RALYL: variants seen among roughly 807,000 people sequenced by gnomAD.
The protein encoded by RALYL is RNA-binding Raly-like protein.
In RALYL, 29 loss-of-function variants were observed where a neutral mutation model predicts 35.1. The observed-to-expected ratio is 0.83, with a 90% CI of 0.61 to 1.13. The LOEUF (loss-of-function observed/expected upper bound fraction) is 1.13. Ranked by LOEUF, RALYL falls within the 50% of genes most tolerant of loss-of-function variation. RALYL has a pLI of 0.00. For missense variants in RALYL, 359 were observed against 360.4 expected (o/e 1.00, Z 0.03); for synonymous variants, 120 against 127.6 (o/e 0.94, Z 0.40).
chr8:84,863,761 C>A (rs568012598), intron 6 of RALYL, among the ~76,000 whole-genome samples: 3 of 152,112 alleles, frequency 2.0e-5, no homozygotes, highest in Non-Finnish European at 4.4e-5. Context: ...TTGTACTCAA[C>A]AAACTTTGTG....
chr8:84,832,567 G>A (rs1331846150), intron 4 of RALYL, among the ~76,000 whole-genome samples: 2 of 151,994 alleles, frequency 1.3e-5, no homozygotes, highest in African/African-American at 4.8e-5. Context: ...GTTTGGTTGG[G>A]GAGAGTCAAA....
At chr8:84,736,693 G>C (rs766217851) in intron 2 of RALYL, among the ~76,000 whole-genome samples, 3 of 152,096 alleles carry the variant, frequency 2.0e-5, no homozygotes, top group Non-Finnish European at 4.4e-5. Flanking sequence ...ACATTTGATT[G>C]ATTATTCTGA....
intron 1 of RALYL, among the ~76,000 whole-genome samples, chr8:84,393,285 T>A (rs931917600): frequency 1.3e-5 from 2 of 152,072 alleles, no homozygotes; most frequent in Non-Finnish European, 2.9e-5. Flanking sequence ...CAGAATTCAG[T>A]ACTTCAAGTG....
chr8:84,800,851 C>T (rs527483987), intron 3 of RALYL, among the ~76,000 whole-genome samples: 5 of 152,192 alleles, frequency 3.3e-5, no homozygotes, highest in African/African-American at 4.8e-5. Context: ...TCTATTCATA[C>T]ATTTCAAGCA....
At chr8:84,613,708 G>A (rs939344807) in intron 2 of RALYL, among the ~76,000 whole-genome samples, 1 of 151,268 alleles carries the variant, frequency 6.6e-6, no homozygotes, top group African/African-American at 2.4e-5. Flanking sequence ...GGGAAAAAAA[G>A]CCTTTTGAAA....
At chr8:84,415,216 T>TG (rs975608340) in intron 1 of RALYL, among the ~76,000 whole-genome samples, 4 of 150,934 alleles carry the variant, frequency 2.7e-5, no homozygotes, top group Non-Finnish European at 5.9e-5. Context: ...TTTTTTTTTT[T>TG]TTGTTTTTTT....
chr8:84,593,228 A>G (rs1341341297), intron 2 of RALYL, among the ~76,000 whole-genome samples: 2 of 152,030 alleles, frequency 1.3e-5, no homozygotes, highest in South Asian at 2.1e-4. Flanking sequence ...GGTCTTCCCT[A>G]TATTGTGAGT....
At chr8:84,451,566 T>C (rs1021340575) in intron 1 of RALYL, among the ~76,000 whole-genome samples, 6 of 152,024 alleles carry the variant, frequency 3.9e-5, no homozygotes, top group African/African-American at 1.4e-4. Flanking sequence ...TGCCTAGGTG[T>C]TGGATTATCA....
chr8:84,759,642 C>T (rs1214726556), intron 2 of RALYL, among the ~76,000 whole-genome samples: 1 of 152,168 alleles, frequency 6.6e-6, no homozygotes, highest in Non-Finnish European at 1.5e-5. Flanking sequence ...TGCTAGAATA[C>T]TGCCATGTGG....
chr8:84,698,734 G>T (rs1839628782), intron 2 of RALYL, among the ~76,000 whole-genome samples: 1 of 152,080 alleles, frequency 6.6e-6, no homozygotes, highest in African/African-American at 2.4e-5. Context: ...GATAGAATCA[G>T]CCAGGAAAAG....
chr8:84,458,306 T>C (rs966009053), intron 1 of RALYL, among the ~76,000 whole-genome samples: 1 of 151,614 alleles, frequency 6.6e-6, no homozygotes, highest in Non-Finnish European at 1.5e-5. Context: ...GTAGATATTG[T>C]AAAAATGTCC....
At chr8:84,498,533 C>T (rs1273700603) in intron 1 of RALYL, among the ~76,000 whole-genome samples, 1 of 152,018 alleles carries the variant, frequency 6.6e-6, no homozygotes, top group Non-Finnish European at 1.5e-5. Context: ...TAGCTAGATG[C>T]ACTTCTAACC....
chr8:84,349,862 G>A (rs1360230848), intron 1 of RALYL, among the ~76,000 whole-genome samples: 3 of 150,170 alleles, frequency 2.0e-5, no homozygotes, highest in Non-Finnish European at 1.5e-5. Flanking sequence ...GGTTAGGCCT[G>A]AGCCAAGAAC....
intron 2 of RALYL, among the ~76,000 whole-genome samples, chr8:84,571,931 T>C (rs759135647): frequency 3.9e-5 from 6 of 151,904 alleles, no homozygotes; most frequent in Admixed American, 2.0e-4. Flanking sequence ...TGAGAGCTCC[T>C]CTTGGAATTG....
intron 1 of RALYL, among the ~76,000 whole-genome samples, chr8:84,489,811 A>G (rs1196318546): frequency 2.0e-5 from 3 of 152,056 alleles, no homozygotes; most frequent in East Asian, 3.9e-4. Flanking sequence ...GGACACAGAA[A>G]GACCCAAAGT....
chr8:84,564,029 T>A (rs976660618), intron 2 of RALYL, among the ~76,000 whole-genome samples: 1 of 151,736 alleles, frequency 6.6e-6, no homozygotes, highest in African/African-American at 2.4e-5. Context: ...AGAAACAATT[T>A]CTTCATATAA....
chr8:84,336,684 AG>A (rs1282569425), intron 1 of RALYL, among the ~76,000 whole-genome samples: 2 of 152,126 alleles, frequency 1.3e-5, no homozygotes, highest in Non-Finnish European at 2.9e-5. Flanking sequence ...TAAGATGAGA[AG>A]TTCCAAAGAA....
chr8:84,453,323 A>G (rs1587404260), intron 1 of RALYL, among the ~76,000 whole-genome samples: 1 of 152,116 alleles, frequency 6.6e-6, no homozygotes, highest in African/African-American at 2.4e-5. Flanking sequence ...AGAGCCTTCA[A>G]TATGTCTACT....
At chr8:84,684,863 T>C (rs906705666) in intron 2 of RALYL, among the ~76,000 whole-genome samples, 3 of 152,188 alleles carry the variant, frequency 2.0e-5, no homozygotes, top group Non-Finnish European at 4.4e-5. Context: ...TAGGGAAGTT[T>C]AAGCAACAGC....
Sources: gnomAD v4.1 joint callset for allele counts (sites outside exome capture counted in the v4.1 genomes callset) on GRCh38, gnomAD v4.1.1 for gene constraint, MANE v1.5 for transcripts, NCBI Gene and HGNC (gene_info 2026-07-23, HGNC 2026-07-21) for gene names.